The following ALDH4A1 variants were observed in gnomAD, a reference collection of about 807,000 sequenced individuals.
ALDH4A1 encodes delta-1-pyrroline-5-carboxylate dehydrogenase, mitochondrial.
In ALDH4A1, 46 loss-of-function variants were observed where a neutral mutation model predicts 70.5. The ratio of observed to expected loss-of-function variants is 0.65; its 90% CI spans 0.51 to 0.83. The LOEUF is 0.83. ALDH4A1 is among the 40% of genes least tolerant of loss of function. The pLI is 0.00. For missense variants in ALDH4A1, 749 were observed against 766.5 expected (o/e 0.98, Z 0.27); for synonymous variants, 323 against 324.3 (o/e 1.00, Z 0.04).
intron 3 of ALDH4A1, among the ~76,000 whole-genome samples, chr1:18,888,816 C>G (rs1373799934): frequency 6.6e-6 from 1 of 152,258 alleles, no homozygotes; most frequent in African/African-American, 2.4e-5. Flanking sequence ...AGTGGGGGAC[C>G]TGGGTCCTCC....
intron 1 of ALDH4A1, among the ~76,000 whole-genome samples, chr1:18,894,865 CTTTTTTTTTTTT>C (rs34445898): frequency 2.1e-3 from 235 of 109,938 alleles, no homozygotes; most frequent in Non-Finnish European, 2.8e-3. Flanking sequence ...TTCTTTCTTT[CTTTTTTTTTTTT>C]TTTTTTTTTG....
In ALDH4A1 at chr1:18,898,195, C is replaced by T. The variant is rs568089728; in HGVS notation, c.62+4267G>A. Among the ~76,000 whole-genome samples the T allele has an allele frequency of 4.6e-5, 7 of 151,294 alleles. No homozygotes were observed. The East Asian group carries it at 9.7e-4, about 21-fold the overall frequency. On this transcript the variant is annotated intron_variant, in intron 1 of 14. Coordinates refer to ENST00000375341, the MANE Select transcript of ALDH4A1 (RefSeq NM_003748.4). The surrounding 1 kb of genome is among the most constrained non-coding windows in gnomAD (Gnocchi z 4.3). ...AAAATTAGCTGGGTATGGTGATGTG[C>T]GCCTGTAGTTCCAGCTACTTGGGAG...
chr1:18,900,977 G>A, intron 1 of ALDH4A1: 1 of 929,418 alleles, frequency 1.1e-6, no homozygotes, highest in Non-Finnish European at 1.3e-6. Context: ...GATATTGGAG[G>A]GTTTTCCTAT....
chr1:18,902,466 C>T lies in ALDH4A1; in HGVS notation c.58G>A (p.Ala20Thr). ...RALLSRPWTG[A>T]GLRWKHTSSL... ...CCGGGCCCCGTGCTCACTCACCCGG[C>T]CCCGGTCCAGGGGCGGGACAGCAGG... is the stretch of plus-strand genomic sequence containing the variant. The change falls in exon 1 of 15, where the codon GCC becomes ACC. Residue 20 changes from alanine to threonine, a missense_variant. By Grantham distance (58) the Ala-to-Thr change is moderately conservative (BLOSUM62 0). Coordinates refer to ENST00000375341, the MANE Select transcript of ALDH4A1 (RefSeq NM_003748.4). 1.4e-6 allele frequency: 2 copies of T among 1,401,346 alleles called. No individual in the cohort carries two copies. 86.8% of individuals were successfully genotyped at this position (1,401,346 alleles called of 1,614,324 possible).
chr1:18,877,122 G>A (rs566165363), intron 11 of ALDH4A1, 86 bp downstream of exon 11: 4 of 1,522,450 alleles, frequency 2.6e-6, no homozygotes, highest in East Asian at 4.9e-5. Flanking sequence ...CATGCCCTGG[G>A]TCAGGGTACC....
chr1:18,895,172 T>C (rs1406505178), intron 1 of ALDH4A1, among the ~76,000 whole-genome samples: 1 of 152,202 alleles, frequency 6.6e-6, no homozygotes, highest in Non-Finnish European at 1.5e-5. Context: ...GAGGCAGATA[T>C]GGATCCAACC....
rs1934791393 is a variant in ALDH4A1 at position 18,877,945 on chromosome 1, A to G, written c.941-333T>C. On this transcript the variant is annotated intron_variant, in intron 9 of 14. Transcript: ENST00000375341. ...CAGATGAGAACCCAAGGCCCCCGAG[A>G]GCCAGCCATTCCCAGAAGTGGGCAC... 2.6e-5 allele frequency among the ~76,000 whole-genome samples: 4 copies of G among 152,172 alleles called. 1 individual carries two copies. The South Asian group carries it at 8.4e-4, about 32-fold the overall frequency.
At chr1:18,878,541 C>T (rs977094289) in intron 9 of ALDH4A1, among the ~76,000 whole-genome samples, 3 of 152,144 alleles carry the variant, frequency 2.0e-5, no homozygotes, top group South Asian at 2.1e-4. Flanking sequence ...TGGTCACGTG[C>T]TGGCTGCAAC....
Position 18,875,498 on chromosome 1 carries a change from G to A in ALDH4A1, c.1344C>T (p.Ile448=). 1 of 1,614,054 alleles carries A rather than the reference G, an allele frequency of 6.2e-7. No individual in the cohort carries two copies. Among genetic ancestry groups the A allele is most frequent in the South Asian group, 1.1e-5 (1 of 91,070 alleles). ...DPQEPIMKEE[I]FGPVLSVYVY... ...CGTACACAGACAGTACAGGCCCGAAGATCTCCTAGGAGAGAGGCCCCGGCG... is the reference window on the plus strand; with the variant it reads ...CGTACACAGACAGTACAGGCCCGAAAATCTCCTAGGAGAGAGGCCCCGGCG... The change falls in exon 13 of 15, where the codon ATC becomes ATT. Residue 448 remains isoleucine, a synonymous_variant. Coordinates refer to ENST00000375341, the MANE Select transcript of ALDH4A1 (RefSeq NM_003748.4).
At chr1:18,885,224 C>G in intron 5 of ALDH4A1, 1 of 559,466 alleles carries the variant, frequency 1.8e-6, no homozygotes, top group Non-Finnish European at 3.2e-6. Flanking sequence ...GGCCTAGGAG[C>G]GAGGACAGAG....
intron 13 of ALDH4A1, among the ~76,000 whole-genome samples, chr1:18,875,129 A>G (rs28663527): frequency 0.72 from 108,868 of 152,124 alleles, 39,056 homozygotes; most frequent in Admixed American, 0.79. Flanking sequence ...ACCAATTCCT[A>G]GCCCTGCCCC....
At position 18,890,149 on chromosome 1, in the gene ALDH4A1, G is replaced by A. The variant is rs368879577; in HGVS notation, c.63-44C>T. The A allele has an allele frequency of 4.5e-5, 68 of 1,518,096 alleles. No individual in the cohort carries two copies. In the Middle Eastern group the frequency reaches 1.3e-3, roughly 29 times the overall value. 94.0% of individuals were successfully genotyped at this position (1,518,096 alleles called of 1,614,324 possible). ...GGACAGAGGCAGAGAGGTCAGCAGC[G>A]GCCCCACCACCAGACCCCAGCCCCT... On this transcript the variant is annotated intron_variant, in intron 1 of 14. Transcript: ENST00000375341.
Position 18,877,270 on chromosome 1 carries a change from G to A in ALDH4A1, c.1138-15C>T. 1 of 1,600,848 alleles carries A rather than the reference G, an allele frequency of 6.2e-7. No individual in the cohort carries two copies. Among genetic ancestry groups the A allele is most frequent in the Non-Finnish European group, 8.5e-7 (1 of 1,173,208 alleles). ...TCCTCTGCAGGCTGGAGGCAAGGGA[G>A]GCGCCAGAAGAGACGAGTCACTGCA... is the stretch of plus-strand genomic sequence containing the variant. On this transcript the variant is annotated splice_polypyrimidine_tract_variant and intron_variant, in intron 10 of 14. Coordinates refer to ENST00000375341, the MANE Select transcript of ALDH4A1 (RefSeq NM_003748.4).
Position 18,883,080 on chromosome 1 carries a change from G to A in ALDH4A1, c.678+44C>T, listed in dbSNP as rs186656983. ...GCCTCTGTCTGTCTGTTGGGACCAG[G>A]AGGACAACCAGCTGCCGCTGTCCCA... is the stretch of plus-strand genomic sequence containing the variant. On this transcript the variant is annotated intron_variant, in intron 7 of 14. Transcript: ENST00000375341. The A allele has an allele frequency of 1.8e-5, 29 of 1,612,300 alleles. No individual in the cohort carries two copies. In the African/African-American group the frequency reaches 3.6e-4, roughly 20 times the overall value.
At position 18,875,519 on chromosome 1, in the gene ALDH4A1, C is replaced by A. The variant is rs367926778; in HGVS notation, c.1339-16G>T. ...CGAAGATCTCCTAGGAGAGAGGCCC[C>A]GGCGTCAGACCCTCCACGGGACCAG... On this transcript the variant is annotated splice_polypyrimidine_tract_variant and intron_variant, in intron 12 of 14. Coordinates refer to ENST00000375341, the MANE Select transcript of ALDH4A1 (RefSeq NM_003748.4). The A allele has an allele frequency of 6.2e-7, 1 of 1,613,868 alleles. No individual in the cohort carries two copies. Among genetic ancestry groups the A allele is most frequent in the Non-Finnish European group, 8.5e-7 (1 of 1,179,924 alleles).
At chr1:18,885,436 A>ACCCCCCCCCCCCCCCACCCCCC in intron 5 of ALDH4A1, 37 bp downstream of exon 5, 1 of 386,872 alleles carries the variant, frequency 2.6e-6, no homozygotes, top group Non-Finnish European at 4.3e-6. Flanking sequence ...CTCCCACCCC[A>ACCCCCCCCCCCCCCCACCCCCC]CCCCGCCCCA....
Position 18,886,503 on chromosome 1 carries a change from G to A in ALDH4A1, c.258C>T (p.Asn86=). The part of the protein sequence containing the change: ...SDVQYQVSPF[N]HGHKVAKFCY... ...AGAACTTGGCCACCTTATGTCCATG[G>A]TTAAAAGGCTGAAAGGAGAGAAGAG... The change falls in exon 4 of 15, where the codon AAC becomes AAT. Residue 86 remains asparagine (N), a synonymous_variant. Coordinates refer to ENST00000375341, the MANE Select transcript of ALDH4A1 (RefSeq NM_003748.4). 6.2e-7 allele frequency: 1 copy of A among 1,614,142 alleles called. No homozygotes were observed. Among genetic ancestry groups the A allele is most frequent in the Non-Finnish European group, 8.5e-7 (1 of 1,180,010 alleles).
chr1:18,877,237 T>G lies in ALDH4A1; in HGVS notation c.1156A>C (p.Thr386Pro). 2 of 1,607,760 alleles carry G rather than the reference T, an allele frequency of 1.2e-6. No homozygotes were observed. Among genetic ancestry groups the G allele is most frequent in the Non-Finnish European group, 1.7e-6 (2 of 1,176,956 alleles). The stretch of plus-strand genomic sequence containing the variant: ...GCATCAATCACTGCAGAGAAGAAGG[T>G]CCCAAAATCCTCTGCAGGCTGGAGG... ...KVGDPAEDFG[T>P]FFSAVIDAKS... is the part of the protein sequence containing the mutation. Residue 386 changes from threonine (T) to proline (P), a missense_variant, in exon 11 of 15, where the codon ACC becomes CCC. Physicochemically the swap from Thr to Pro is conservative, Grantham distance 38. Coordinates refer to ENST00000375341, the MANE Select transcript of ALDH4A1 (RefSeq NM_003748.4).
chr1:18,887,174 C>G (rs9426721), intron 3 of ALDH4A1, among the ~76,000 whole-genome samples: 5,383 of 152,364 alleles, frequency 0.035, 352 homozygotes, highest in African/African-American at 0.12. Context: ...TTGGTCCAAA[C>G]CGCACCATTT....
Sources: gnomAD v4.1 joint callset for allele counts (sites outside exome capture counted in the v4.1 genomes callset) on GRCh38, gnomAD v4.1.1 for gene constraint, Gnocchi (gnomAD v3.1) non-coding constraint, MANE v1.5 for transcripts, NCBI Gene and HGNC (gene_info 2026-07-23, HGNC 2026-07-21) for gene names.